The following PLEKHO1 variants were observed in gnomAD, a reference collection of about 807,000 sequenced individuals.
PLEKHO1 encodes the protein pleckstrin homology domain-containing family O member 1.
A neutral mutation model predicts 41.4 loss-of-function variants in PLEKHO1; 22 were observed. The ratio of observed to expected loss-of-function variants is 0.53; its 90% confidence interval spans 0.38 to 0.76. The LOEUF is 0.76. Among genes scored for constraint, PLEKHO1 ranks in the 30% least tolerant of loss-of-function variants. The pLI, the probability that PLEKHO1 is intolerant of heterozygous loss-of-function variation, is 0.00. For synonymous variants in PLEKHO1, 225 were observed against 210.8 expected (o/e 1.07, Z -0.58); for missense variants, 488 against 518.3 (o/e 0.94, Z 0.57).
intron 5 of PLEKHO1, 59 bp from the exon 6 acceptor site, chr1:150,158,760 T>C: frequency 8.4e-7 from 1 of 1,188,638 alleles, no homozygotes; most frequent in Non-Finnish European, 1.2e-6. Context: ...TTTTAGGCAG[T>C]CATTCCGAAA....
intron 2 of PLEKHO1, among the ~76,000 whole-genome samples, chr1:150,151,289 C>T (rs782535647): frequency 6.6e-5 from 10 of 152,148 alleles, no homozygotes; most frequent in Non-Finnish European, 1.2e-4. Context: ...TTGCAAATAC[C>T]TTTCTAACAA....
chr1:150,149,909 G>T (rs587734903), upstream of PLEKHO1: 1 of 151,254 alleles, frequency 6.6e-6, no homozygotes, highest in African/African-American at 2.4e-5. Flanking sequence ...TGCGGACTGG[G>T]CCGCCCACAG....
intron 2 of PLEKHO1, chr1:150,155,303 G>T (rs1312000798): frequency 6.6e-6 from 1 of 152,160 alleles, no homozygotes; most frequent in African/African-American, 2.4e-5. Flanking sequence ...CTAAAGTGTA[G>T]TCTCCCAGGG....
At position 150,159,365 on chromosome 1, in the gene PLEKHO1, C is replaced by T; in HGVS notation, c.1072C>T (p.Leu358=). 6.2e-7 allele frequency: 1 copy of T among 1,614,154 alleles called. No homozygotes were observed. Among genetic ancestry groups the T allele is most frequent in the Non-Finnish European group, 8.5e-7 (1 of 1,180,048 alleles). The part of the protein sequence containing the change: ...SEQLLLETER[L]LGEASSNWSQ... ...GCAGCTGCTGCTGGAGACGGAACGG[C>T]TGCTGGGAGAGGCATCATCGAATTG... is the stretch of plus-strand genomic sequence containing the variant. Residue 358 remains leucine (L), a synonymous_variant, in exon 6 of 6, where the codon CTG becomes TTG. Transcript: ENST00000369124.
At position 150,158,992 on chromosome 1, in the gene PLEKHO1, C is replaced by T. The variant is rs782077537; in HGVS notation, c.699C>T (p.Ser233=). The T allele has an allele frequency of 1.5e-5, 24 of 1,614,024 alleles. No homozygotes were observed. Among genetic ancestry groups the T allele is most frequent in the Non-Finnish European group, 1.7e-5 (20 of 1,180,004 alleles). ...CGGACTCAGACCGCATCCAGCCCTC[C>T]GCAGACCGGGCAAGCAGTCTCTCCC... ...RRADSDRIQP[S]ADRASSLSRP... Residue 233 remains serine, a synonymous_variant, in exon 6 of 6, where the codon TCC becomes TCT. Transcript: ENST00000369124.
intron 1 of PLEKHO1, 42 bp downstream of exon 1, chr1:150,150,329 G>T (rs1553818425): frequency 1.1e-5 from 11 of 992,874 alleles, no homozygotes; most frequent in Non-Finnish European, 1.3e-5. Flanking sequence ...CCGCCTCCGC[G>T]CTCTGACGAC....
rs1454681299 is a variant in PLEKHO1 at position 150,160,062 on chromosome 1, C to A, written c.*539C>A. On this transcript the variant is annotated 3_prime_UTR_variant, in exon 6 of 6. Coordinates refer to ENST00000369124, the MANE Select transcript of PLEKHO1 (RefSeq NM_016274.6). ...TTTGTGGAATTAAAATCTCCCCAGC[C>A]AGACACTGGCTTCTCATTCCTAGCA... The A allele has an allele frequency of 6.6e-6, 1 of 152,582 alleles. No homozygotes were observed. The highest frequency in any genetic ancestry group is 1.5e-5 in the Non-Finnish European group (1 of 68,324). The allele number at this position is 152,582 out of a possible 1,614,324, so 9.5% of individuals were successfully genotyped here. A position where few individuals can be genotyped will look rare whatever the true frequency, so the allele number is the denominator to read the frequency against.
chr1:150,155,934 C>A, intron 2 of PLEKHO1, 132 bp from the exon 3 acceptor site: 1 of 767,512 alleles, frequency 1.3e-6, no homozygotes, highest in South Asian at 1.7e-5. Context: ...TTTGGGCAGA[C>A]GGCCCTCTCC....
intron 1 of PLEKHO1, 182 bp downstream of exon 1, chr1:150,150,469 C>A: frequency 5.8e-6 from 1 of 173,852 alleles, no homozygotes; most frequent in Non-Finnish European, 1.1e-5. Flanking sequence ...TTACTCGCCT[C>A]GGGGGGCTTC....
chr1:150,156,795 C>A, intron 3 of PLEKHO1, 116 bp from the exon 4 acceptor site: 1 of 704,786 alleles, frequency 1.4e-6, no homozygotes, highest in South Asian at 1.6e-5. Flanking sequence ...AGCAGAATAT[C>A]TCTCCTTCCT....
intron 2 of PLEKHO1, among the ~76,000 whole-genome samples, chr1:150,152,287 A>T (rs1659968718): frequency 6.6e-6 from 1 of 152,130 alleles, no homozygotes; most frequent in Admixed American, 6.6e-5. Context: ...CAAAACTAGC[A>T]AGTTGGTGAT....
chr1:150,150,711 CGGGAGCGGGGGAG>C (rs1659870862), intron 1 of PLEKHO1, 188 bp from the exon 2 acceptor site: 7 of 554,170 alleles, frequency 1.3e-5, no homozygotes, highest in East Asian at 6.2e-5. Flanking sequence ...GTTGTTTATT[CGGGAGCGGGGGAG>C]GGGAGCGGGG....
In PLEKHO1 at chr1:150,159,544, C is replaced by T. The variant is rs1309215818; in HGVS notation, c.*21C>T. 1 of 1,507,406 alleles carries T rather than the reference C, an allele frequency of 6.6e-7. No homozygotes were observed. The highest frequency in any genetic ancestry group is 9.0e-7 in the Non-Finnish European group (1 of 1,106,330). The allele number at this position is 1,507,406 out of a possible 1,614,324, so 93.4% of individuals were successfully genotyped here. A position where few individuals can be genotyped will look rare whatever the true frequency, so the allele number is the denominator to read the frequency against. On this transcript the variant is annotated 3_prime_UTR_variant, in exon 6 of 6. Coordinates refer to ENST00000369124, the MANE Select transcript of PLEKHO1 (RefSeq NM_016274.6). ...TGTGAGGGCAGGGTGGGGTCTGGAA[C>T]TTGTCGGGTTGGACAGACTCTTATC...
At chr1:150,156,255 G>A in intron 3 of PLEKHO1, 49 bp downstream of exon 3, 1 of 1,533,984 alleles carries the variant, frequency 6.5e-7, no homozygotes, top group Admixed American at 1.8e-5. Context: ...CAGGGTTGGA[G>A]GGGGCAGGGG....
chr1:150,156,254 A>C (rs782109954), intron 3 of PLEKHO1, 48 bp downstream of exon 3: 1 of 1,532,896 alleles, frequency 6.5e-7, no homozygotes, highest in Non-Finnish European at 8.9e-7. Context: ...ACAGGGTTGG[A>C]GGGGGCAGGG....
chr1:150,151,102 C>T (rs948306977), intron 2 of PLEKHO1, 44 bp downstream of exon 2: 2 of 1,607,768 alleles, frequency 1.2e-6, no homozygotes, highest in South Asian at 2.2e-5. Flanking sequence ...TCATAGCCCC[C>T]ACTTTGTCAC....
At position 150,159,798 on chromosome 1, in the gene PLEKHO1, C is replaced by A; in HGVS notation, c.*275C>A. The A allele has an allele frequency of 3.1e-6, 1 of 325,054 alleles. No individual in the cohort carries two copies. Among genetic ancestry groups the A allele is most frequent in the Non-Finnish European group, 5.7e-6 (1 of 174,786 alleles). The allele number at this position is 325,054 out of a possible 1,614,324, so 20.1% of individuals were successfully genotyped here. A position where few individuals can be genotyped will look rare whatever the true frequency, so the allele number is the denominator to read the frequency against. On this transcript the variant is annotated 3_prime_UTR_variant, in exon 6 of 6. Coordinates refer to ENST00000369124, the MANE Select transcript of PLEKHO1 (RefSeq NM_016274.6). ...AGGCACGGTAAAGACACAGTCTGAC[C>A]ACTCCACACACCGCCCGCCCCCAAG... is the stretch of plus-strand genomic sequence containing the variant.
intron 3 of PLEKHO1, 23 bp downstream of exon 3, chr1:150,156,229 G>A (rs1660162359): frequency 6.2e-7 from 1 of 1,609,304 alleles, no homozygotes; most frequent in East Asian, 2.2e-5. Flanking sequence ...TGCCACCTTG[G>A]CTGCTGGAAC....
At chr1:150,158,767 G>A (rs1030124227) in intron 5 of PLEKHO1, 52 bp from the exon 6 acceptor site, 7 of 1,314,362 alleles carry the variant, frequency 5.3e-6, no homozygotes, top group Admixed American at 4.3e-5. Context: ...CAGTCATTCC[G>A]AAAATCCCTC....
Sources: allele counts gnomAD v4.1 joint callset (sites outside exome capture counted in the v4.1 genomes callset), GRCh38; gene constraint gnomAD v4.1.1; transcripts MANE v1.5; gene names NCBI Gene and HGNC (gene_info 2026-07-23, HGNC 2026-07-21).